STIM2: variants seen among roughly 807,000 people sequenced by gnomAD.
The protein encoded by STIM2 is stromal interaction molecule 2.
STIM2 carries 31 observed loss-of-function variants against 85.8 expected under a neutral mutation model. That is an observed-to-expected ratio of 0.36 (90% CI 0.27 to 0.49). The LOEUF is 0.49. STIM2 is among the 20% of genes least tolerant of loss of function. The pLI is 0.98. For synonymous variants in STIM2, 356 were observed against 331.1 expected, an observed-to-expected ratio of 1.08 and a Z score of -0.82; for missense variants, 841 against 927.6, an observed-to-expected ratio of 0.91 and a Z score of 1.21.
At chr4:26,938,770 CTCTT>C (rs1725485829) in intron 2 of STIM2, among the ~76,000 whole-genome samples, 2 of 152,260 alleles carry the variant, frequency 1.3e-5, no homozygotes, top group East Asian at 3.9e-4. Context: ...GAAGTGTTCT[CTCTT>C]ATAGATAAGG....
At chr4:26,954,313 T>C (rs1299271423) in intron 2 of STIM2, among the ~76,000 whole-genome samples, 1 of 152,132 alleles carries the variant, frequency 6.6e-6, no homozygotes, top group African/African-American at 2.4e-5. Flanking sequence ...AAAAAGAATA[T>C]TCAGTAGTCA....
chr4:27,010,028 G>A (rs1366467986), intron 10 of STIM2, among the ~76,000 whole-genome samples: 1 of 152,130 alleles, frequency 6.6e-6, no homozygotes, highest in Non-Finnish European at 1.5e-5. Context: ...CCATATGTCC[G>A]TTAAAAGGAA....
chr4:26,913,772 A>G (rs1327245748), intron 1 of STIM2, among the ~76,000 whole-genome samples: 1 of 152,242 alleles, frequency 6.6e-6, no homozygotes, highest in Non-Finnish European at 1.5e-5. Flanking sequence ...TTTAGTAAAC[A>G]AATATATTTT....
intron 3 of STIM2, among the ~76,000 whole-genome samples, chr4:26,990,502 G>A (rs1374148083): frequency 1.3e-5 from 2 of 152,200 alleles, no homozygotes; most frequent in East Asian, 1.9e-4. Flanking sequence ...AAAACATTGA[G>A]GAAAGGCTTC....
chr4:26,952,002 A>G (rs1726070568), intron 2 of STIM2, among the ~76,000 whole-genome samples: 1 of 152,136 alleles, frequency 6.6e-6, no homozygotes, highest in South Asian at 2.1e-4. Flanking sequence ...AATGAGGAAG[A>G]TTCAAAAGCA....
At chr4:26,957,337 G>T (rs1183305763) in intron 2 of STIM2, among the ~76,000 whole-genome samples, 3 of 152,090 alleles carry the variant, frequency 2.0e-5, no homozygotes, top group Non-Finnish European at 4.4e-5. Context: ...ACACCTATTT[G>T]TTATATAACT....
intron 6 of STIM2, among the ~76,000 whole-genome samples, 176 bp downstream of exon 6, chr4:27,002,570 A>G (rs2109131853): frequency 6.6e-6 from 1 of 152,352 alleles, no homozygotes; most frequent in Admixed American, 6.5e-5. Flanking sequence ...TTTATTATAA[A>G]TGTGTATACT....
intron 1 of STIM2, among the ~76,000 whole-genome samples, chr4:26,870,285 T>G (rs1722565317): frequency 1.3e-5 from 2 of 149,366 alleles, no homozygotes; most frequent in Admixed American, 1.3e-4. Flanking sequence ...ACCTTAAAAG[T>G]TCTTAACACA....
intron 1 of STIM2, among the ~76,000 whole-genome samples, chr4:26,866,476 G>A (rs1015900824): frequency 4.6e-5 from 7 of 152,186 alleles, no homozygotes; most frequent in Non-Finnish European, 7.4e-5. Context: ...AGGAGGGCAG[G>A]ATTTGAGCTG....
chr4:26,946,696 G>T (rs1725844836), intron 2 of STIM2, among the ~76,000 whole-genome samples: 1 of 152,138 alleles, frequency 6.6e-6, no homozygotes, highest in African/African-American at 2.4e-5. Context: ...AACAAATTTT[G>T]AATGGCTTTA....
chr4:26,954,801 C>T (rs1002219964), intron 2 of STIM2, among the ~76,000 whole-genome samples: 9 of 147,550 alleles, frequency 6.1e-5, no homozygotes, highest in African/African-American at 7.8e-5. Context: ...AGTCACATTC[C>T]GTGATCAGCA....
chr4:26,917,669 G>A (rs1367428589), intron 1 of STIM2, among the ~76,000 whole-genome samples: 4 of 152,076 alleles, frequency 2.6e-5, no homozygotes, highest in African/African-American at 7.2e-5. Context: ...GGTCCTCACT[G>A]TTGACTCCTC....
intron 2 of STIM2, among the ~76,000 whole-genome samples, chr4:26,933,955 A>G (rs1379269047): frequency 6.6e-6 from 1 of 152,134 alleles, no homozygotes; most frequent in Admixed American, 6.5e-5. Context: ...GCACTTTGGG[A>G]GGCTGAGGGG....
chr4:26,929,311 A>G (rs1725113021), intron 2 of STIM2, among the ~76,000 whole-genome samples: 1 of 152,188 alleles, frequency 6.6e-6, no homozygotes, highest in African/African-American at 2.4e-5. Context: ...TAAAGGATGA[A>G]TTATTAATTC....
rs747300633 is a variant in STIM2, at chr4:27,022,561, T to C, written c.1806T>C (p.Ser602=). The change falls in exon 12 of 12, where the codon TCT becomes TCC. Residue 602 remains serine (S), a synonymous_variant. Transcript: ENST00000467087. ...CTTCAGAATGTGACTCCTTAAATTC[T>C]TCCATTGGAAGGAAACAGTCTCCTC... The C allele has an allele frequency of 1.2e-6, 2 of 1,607,698 alleles. No homozygotes were observed. Among genetic ancestry groups the C allele is most frequent in the Non-Finnish European group, 1.7e-6 (2 of 1,174,818 alleles).
At chr4:27,019,406 C>T (rs1302939585) in intron 11 of STIM2, 1 of 1,289,272 alleles carries the variant, frequency 7.8e-7, no homozygotes, top group South Asian at 1.2e-5. Flanking sequence ...GCAGTATGAT[C>T]ATAGTCACCA....
intron 1 of STIM2, among the ~76,000 whole-genome samples, chr4:26,908,467 C>A (rs1724211030): frequency 6.6e-6 from 1 of 151,880 alleles, no homozygotes; most frequent in Non-Finnish European, 1.5e-5. Context: ...AAGTAAAGCA[C>A]CCAGTCATTT....
At chr4:26,873,741 A>T (rs1371205468) in intron 1 of STIM2, 2 of 880,122 alleles carry the variant, frequency 2.3e-6, no homozygotes, top group Non-Finnish European at 3.8e-6. Context: ...CTGCCTCCAC[A>T]GGCTCTAGGT....
At position 26,861,275 on chromosome 4, in the gene STIM2, C is replaced by T. The variant is rs748144774; in HGVS notation, c.57C>T (p.Pro19=). 75 of 1,463,694 alleles carry T rather than the reference C, an allele frequency of 5.1e-5. No homozygotes were observed. Among genetic ancestry groups the T allele is most frequent in the South Asian group, 2.6e-5 (2 of 77,276 alleles). The allele number at this position is 1,463,694 out of a possible 1,614,324, so 90.7% of individuals were successfully genotyped here. A position where few individuals can be genotyped will look rare whatever the true frequency, so the allele number is the denominator to read the frequency against. Residue 19 remains proline, a synonymous_variant, in exon 1 of 12, where the codon CCC becomes CCT. Transcript: ENST00000467087. ...CGGCGGACGGATGCGAGCTTGTGCC[C>T]CGGCACCTCCGCGGGCGGCGGGCGA...
Sources: allele counts gnomAD v4.1 joint callset (sites outside exome capture counted in the v4.1 genomes callset), GRCh38; gene constraint gnomAD v4.1.1; transcripts MANE v1.5; gene names NCBI Gene and HGNC (gene_info 2026-07-23, HGNC 2026-07-21).